CASR: variants seen among roughly 807,000 people sequenced by gnomAD.
The protein encoded by CASR is extracellular calcium-sensing receptor.
CASR carries 23 observed loss-of-function variants against 69.1 expected under a neutral mutation model. The ratio of observed to expected loss-of-function variants is 0.33; its 90% confidence interval spans 0.24 to 0.47. The LOEUF is 0.47. CASR is among the 20% of genes least tolerant of loss of function. CASR has a pLI of 1.00. For synonymous variants in CASR, 541 were observed against 544.7 expected, an observed-to-expected ratio of 0.99 and a Z score of 0.10; for missense variants, 924 against 1,356.1, an observed-to-expected ratio of 0.68 and a Z score of 5.00.
intron 4 of CASR, among the ~76,000 whole-genome samples, chr3:122,274,554 GCCCAAATGTTGT>G (rs1304588713): frequency 1.3e-5 from 2 of 152,188 alleles, no homozygotes; most frequent in African/African-American, 4.8e-5. Flanking sequence ...GATGGACTCA[GCCCAAATGTTGT>G]CCCAGTGTGA....
Position 122,282,252 on chromosome 3 carries a change from T to C in CASR, c.1732+16T>C, listed in dbSNP as rs2270916. 218,357 of 1,613,346 alleles carry C rather than the reference T, an allele frequency of 0.14. 17,374 individuals carry two copies. Among genetic ancestry groups the C allele is most frequent in the East Asian group, 0.4 (17,739 of 44,852 alleles). On this transcript the variant is annotated intron_variant, in intron 6 of 6. Coordinates refer to ENST00000639785, the MANE Select transcript of CASR (RefSeq NM_000388.4). ...GATGAGACAGGTAAGGGAACCCCTC[T>C]TGGGCACTGTGCAGGGCTTGGTCCA... is the stretch of plus-strand genomic sequence containing the variant.
At chr3:122,239,595 C>T (rs1429534672) in intron 1 of CASR, among the ~76,000 whole-genome samples, 1 of 152,222 alleles carries the variant, frequency 6.6e-6, no homozygotes, top group African/African-American at 2.4e-5. Flanking sequence ...GTAGTGGTTA[C>T]AGCAGGCCTG....
chr3:122,240,170 G>T (rs1230283979), intron 1 of CASR, among the ~76,000 whole-genome samples: 1 of 152,188 alleles, frequency 6.6e-6, no homozygotes, highest in African/African-American at 2.4e-5. Flanking sequence ...ATACAACAGA[G>T]TTCCAATATG....
intron 5 of CASR, 44 bp from the exon 6 acceptor site, chr3:122,282,069 C>A (rs1465444390): frequency 6.2e-7 from 1 of 1,614,068 alleles, no homozygotes; most frequent in East Asian, 2.2e-5. Flanking sequence ...TGGCCCCTGA[C>A]CCTACAACTA....
chr3:122,232,891 C>A (rs1054043345), intron 1 of CASR, among the ~76,000 whole-genome samples: 6 of 152,190 alleles, frequency 3.9e-5, no homozygotes, highest in African/African-American at 1.4e-4. Flanking sequence ...ACATAAACAA[C>A]TTCACAGAAC....
rs2074810374 is a variant in CASR at position 122,275,809 on chromosome 3, T to C, written c.1378-3T>C. On this transcript the variant is annotated splice_region_variant and splice_polypyrimidine_tract_variant and intron_variant, in intron 4 of 6. Coordinates refer to ENST00000639785, the MANE Select transcript of CASR (RefSeq NM_000388.4). ...CTTGTACTCATTCTTTGCTCCTCTT[T>C]AGGTCCTGAAGCACCTACGGCATCT... 6.2e-7 allele frequency: 1 copy of C among 1,607,172 alleles called. No individual in the cohort carries two copies.
chr3:122,199,643 G>C (rs2073922892), intron 1 of CASR, among the ~76,000 whole-genome samples: 1 of 151,742 alleles, frequency 6.6e-6, no homozygotes, highest in Non-Finnish European at 1.5e-5. Flanking sequence ...AGAATGTGAG[G>C]GTTTAAAAAA....
intron 1 of CASR, among the ~76,000 whole-genome samples, chr3:122,187,529 T>C (rs567090257): frequency 5.3e-5 from 8 of 152,326 alleles, no homozygotes; most frequent in African/African-American, 1.7e-4. Flanking sequence ...TGCTCATCCA[T>C]GTGCAGGTAG....
At chr3:122,238,980 G>A (rs1044717147) in intron 1 of CASR, among the ~76,000 whole-genome samples, 2 of 152,308 alleles carry the variant, frequency 1.3e-5, no homozygotes, top group African/African-American at 4.8e-5. Flanking sequence ...CTGGTTTCAG[G>A]TGTGACTTAC....
intron 1 of CASR, among the ~76,000 whole-genome samples, chr3:122,250,932 G>A (rs936342234): frequency 2.0e-5 from 3 of 152,102 alleles, no homozygotes; most frequent in Non-Finnish European, 4.4e-5. Context: ...ATATAAACAT[G>A]CATGTGTTTG....
chr3:122,199,648 A>T (rs926304845), intron 1 of CASR, among the ~76,000 whole-genome samples: 14 of 152,134 alleles, frequency 9.2e-5, no homozygotes, highest in African/African-American at 3.4e-4. Context: ...GTGAGGGTTT[A>T]AAAAAACACA....
intron 1 of CASR, among the ~76,000 whole-genome samples, chr3:122,194,920 CTT>C (rs2073873925): frequency 6.6e-6 from 1 of 151,978 alleles, no homozygotes; most frequent in Admixed American, 6.6e-5. Context: ...GGTCCGTACA[CTT>C]TAGTTATATT....
At chr3:122,192,474 T>C (rs1286351285) in intron 1 of CASR, among the ~76,000 whole-genome samples, 1 of 152,262 alleles carries the variant, frequency 6.6e-6, no homozygotes, top group African/African-American at 2.4e-5. Flanking sequence ...TTTATTCCAT[T>C]TACTGTGACT....
At chr3:122,282,063 C>T (rs199503752) in intron 5 of CASR, 50 bp from the exon 6 acceptor site, 8 of 1,613,878 alleles carry the variant, frequency 5.0e-6, no homozygotes, top group Non-Finnish European at 6.8e-6. Context: ...TAGGGCTGGC[C>T]CCTGACCCTA....
Position 122,284,683 on chromosome 3 carries a change from C to A in CASR, c.2729C>A (p.Pro910His). Reference protein sequence around the residue: ...SSLGGSTGSTPSSSISSKSNS... With the variant: ...SSLGGSTGSTHSSSISSKSNS... ...CTTGGAGGCTCCACGGGATCCACCCCCTCCTCCTCCATCAGCAGCAAGAGC... is the reference window on the plus strand; with the variant it reads ...CTTGGAGGCTCCACGGGATCCACCCACTCCTCCTCCATCAGCAGCAAGAGC... Residue 910 changes from proline (P) to histidine (H), a missense_variant, in exon 7 of 7, where the codon CCC (proline) becomes CAC (histidine). Physicochemically the swap from Pro to His is moderately conservative, Grantham distance 77. Transcript: ENST00000639785. The A allele has an allele frequency of 6.2e-7, 1 of 1,613,502 alleles. No homozygotes were observed. Among genetic ancestry groups the A allele is most frequent in the Non-Finnish European group, 8.5e-7 (1 of 1,179,492 alleles).
At chr3:122,205,588 T>G (rs1223221873) in intron 1 of CASR, among the ~76,000 whole-genome samples, 2 of 152,154 alleles carry the variant, frequency 1.3e-5, no homozygotes, top group Non-Finnish European at 2.9e-5. Flanking sequence ...GATTTTATTT[T>G]CTATTTCTGT....
intron 1 of CASR, among the ~76,000 whole-genome samples, chr3:122,219,996 T>G (rs1039399860): frequency 1.3e-5 from 2 of 152,230 alleles, no homozygotes; most frequent in Admixed American, 1.3e-4. Context: ...TTCAGCTCAG[T>G]TGCTGCTGTG....
At chr3:122,231,473 T>C (rs906351150) in intron 1 of CASR, among the ~76,000 whole-genome samples, 1 of 152,244 alleles carries the variant, frequency 6.6e-6, no homozygotes, top group African/African-American at 2.4e-5. Flanking sequence ...TTACAAGTAT[T>C]GTTTTAATAT....
In CASR at chr3:122,284,644, A is replaced by G. The variant is rs897282559; in HGVS notation, c.2690A>G (p.Lys897Arg). 6.2e-7 allele frequency: 1 copy of G among 1,613,982 alleles called. No homozygotes were observed. Among genetic ancestry groups the G allele is most frequent in the Non-Finnish European group, 8.5e-7 (1 of 1,179,930 alleles). ...CTGCGCCGCAGCAACGTCTCCCGCAAGCGGTCCAGCAGCCTTGGAGGCTCC... is the reference window on the plus strand; with the variant it reads ...CTGCGCCGCAGCAACGTCTCCCGCAGGCGGTCCAGCAGCCTTGGAGGCTCC... Reference protein sequence around the residue: ...ATLRRSNVSRKRSSSLGGSTG... With the variant: ...ATLRRSNVSRRRSSSLGGSTG... Residue 897 changes from lysine (K) to arginine (R), a missense_variant, in exon 7 of 7, where the codon AAG becomes AGG. This residue lies in a region of CASR where 201 missense variants were observed against 228.8 expected (regional missense o/e 0.88). Coordinates refer to ENST00000639785, the MANE Select transcript of CASR (RefSeq NM_000388.4).
Sources: gnomAD v4.1 joint callset for allele counts (sites outside exome capture counted in the v4.1 genomes callset) on GRCh38, gnomAD v4.1.1 for gene constraint, gnomAD v4.1.1 regional missense constraint, MANE v1.5 for transcripts, NCBI Gene and HGNC (gene_info 2026-07-23, HGNC 2026-07-21) for gene names.